ANXA11: variants seen among roughly 807,000 people sequenced by gnomAD.
ANXA11 encodes the protein annexin A11, also known as 56 kDa autoantigen.
A neutral mutation model predicts 64.7 loss-of-function variants in ANXA11; 57 were observed. That is an observed-to-expected ratio of 0.88 (90% CI 0.71 to 1.10). ANXA11 has a LOEUF of 1.10. ANXA11 is among the 50% of genes least tolerant of loss of function. The pLI is 0.00. For missense variants in ANXA11, 675 were observed against 670.7 expected, an observed-to-expected ratio of 1.01 and a Z score of -0.07; for synonymous variants, 260 against 265.2, an observed-to-expected ratio of 0.98 and a Z score of 0.19.
intron 2 of ANXA11, 61 bp from the exon 3 acceptor site, chr10:80,172,930 A>AC: frequency 6.6e-7 from 1 of 1,507,570 alleles, no homozygotes; most frequent in Non-Finnish European, 9.2e-7. Context: ...GGCCCGTGGG[A>AC]CCCAGCTTCT....
chr10:80,157,928 C>T, intron 14 of ANXA11, 39 bp downstream of exon 14: 1 of 1,609,324 alleles, frequency 6.2e-7, no homozygotes, highest in Non-Finnish European at 8.5e-7. Context: ...ACAGGCGAGG[C>T]TAAGGTTCCA....
At chr10:80,193,149 G>A (rs1342009863) in intron 1 of ANXA11, among the ~76,000 whole-genome samples, 1 of 152,192 alleles carries the variant, frequency 6.6e-6, no homozygotes, top group Non-Finnish European at 1.5e-5. Context: ...ATTGGGACAG[G>A]AAGGATTGTA....
chr10:80,171,016 A>AAAGCCTCGAGCCTC, intron 3 of ANXA11, 101 bp from the exon 4 acceptor site: 1 of 1,521,582 alleles, frequency 6.6e-7, no homozygotes, highest in Non-Finnish European at 8.8e-7. Flanking sequence ...GAGGCCCAGT[A>AAAGCCTCGAGCCTC]AAGCCTCGAG....
At chr10:80,175,546 A>G (rs1300346314) in intron 2 of ANXA11, among the ~76,000 whole-genome samples, 1 of 152,178 alleles carries the variant, frequency 6.6e-6, no homozygotes, top group Non-Finnish European at 1.5e-5. Flanking sequence ...TAGCCCCAAA[A>G]ACCAACGACA....
chr10:80,164,864 G>C (rs778501040), intron 8 of ANXA11, among the ~76,000 whole-genome samples: 13 of 152,220 alleles, frequency 8.5e-5, no homozygotes, highest in Non-Finnish European at 1.9e-4. Flanking sequence ...GGGCCTGTCA[G>C]GCAGGACGTG....
intron 3 of ANXA11, chr10:80,171,724 G>T: frequency 7.1e-6 from 7 of 985,498 alleles, no homozygotes; most frequent in Non-Finnish European, 8.4e-6. Flanking sequence ...CATCTCCAGG[G>T]CTCCAGACCC....
At chr10:80,156,922 G>A in intron 15 of ANXA11, 1 of 880,266 alleles carries the variant, frequency 1.1e-6, no homozygotes. Context: ...GGGAGGACGT[G>A]GTCCCCATGG....
intron 5 of ANXA11, among the ~76,000 whole-genome samples, chr10:80,168,259 G>GC (rs1845826567): frequency 6.8e-6 from 1 of 146,354 alleles, no homozygotes; most frequent in African/African-American, 2.5e-5. Context: ...TGCCGGGGGG[G>GC]GCGGGGGTGG....
At chr10:80,166,038 G>A (rs2784775) in intron 8 of ANXA11, 46 bp downstream of exon 8, 7,205 of 555,184 alleles carry the variant, frequency 0.013, 72 homozygotes, top group Non-Finnish European at 0.015. Flanking sequence ...GCGCACACAC[G>A]CGCGCACACA....
chr10:80,176,740 G>A (rs986199730), intron 1 of ANXA11, among the ~76,000 whole-genome samples: 2 of 147,602 alleles, frequency 1.4e-5, no homozygotes, highest in African/African-American at 2.7e-5. Context: ...CGCTCGTGGA[G>A]CTCATTCTTG....
chr10:80,175,918 G>A (rs1272107518), intron 2 of ANXA11, among the ~76,000 whole-genome samples, 189 bp downstream of exon 2: 1 of 152,188 alleles, frequency 6.6e-6, no homozygotes, highest in Admixed American at 6.5e-5. Context: ...GCCAGGCGTG[G>A]TGGTGGGTGC....
intron 1 of ANXA11, among the ~76,000 whole-genome samples, chr10:80,202,892 A>G (rs575043103): frequency 1.3e-4 from 20 of 152,054 alleles, no homozygotes; most frequent in African/African-American, 4.8e-4. Context: ...CTAAAAATAC[A>G]AAAATTAGCC....
intron 3 of ANXA11, chr10:80,171,850 TAGAG>T (rs966727069): frequency 2.9e-5 from 29 of 985,354 alleles, no homozygotes; most frequent in Admixed American, 6.1e-5. Context: ...ATTTCTACTA[TAGAG>T]AGAGAACCCA....
intron 1 of ANXA11, among the ~76,000 whole-genome samples, chr10:80,190,263 A>G (rs1846714308): frequency 6.6e-6 from 1 of 151,806 alleles, no homozygotes; most frequent in Admixed American, 6.6e-5. Flanking sequence ...AAAATGGTAA[A>G]TTTTACGTTG....
intron 13 of ANXA11, 106 bp downstream of exon 13, chr10:80,158,993 TG>T: frequency 1.2e-6 from 1 of 808,394 alleles, no homozygotes; most frequent in Non-Finnish European, 2.1e-6. Flanking sequence ...TTGGATCCTG[TG>T]GTCCCTTCAC....
rs749547248 is a variant in ANXA11, at chr10:80,171,091, C to T, written c.56-176G>A. 1.1e-5 allele frequency: 17 copies of T among 1,513,762 alleles called. 1 individual carries two copies. The South Asian group carries it at 2.1e-4, about 19-fold the overall frequency. The allele number at this position is 1,513,762 out of a possible 1,614,324, so 93.8% of individuals were successfully genotyped here. Reference sequence around the variant, plus strand: ...AGGAGGAAAGTCTCCCCCTATCCCACTGGCAGAGGAGGGGAAACCTTCCCC... The same window carrying T: ...AGGAGGAAAGTCTCCCCCTATCCCATTGGCAGAGGAGGGGAAACCTTCCCC... On this transcript the variant is annotated intron_variant, in intron 3 of 15. Transcript: ENST00000422982.
Position 80,172,818 on chromosome 10 carries a change from G to C in ANXA11, c.44C>G (p.Pro15Arg). Residue 15 changes from proline to arginine, a missense_variant, in exon 3 of 16, where the codon CCA becomes CGA. By Grantham distance (103) the Pro-to-Arg change is moderately radical. Coordinates refer to ENST00000422982, the MANE Select transcript of ANXA11 (RefSeq NM_145868.2). ...CCAGACCCTCTTACCTGGTGCAGCT[G>C]GTGGGTAGCCACCTGGGGGCGGGGG... ...GYPPPPGGYP[P>R]AAPGGGPWGG... is the part of the protein sequence containing the mutation. 1.9e-6 allele frequency: 3 copies of C among 1,614,022 alleles called. No homozygotes were observed. Among genetic ancestry groups the C allele is most frequent in the Non-Finnish European group, 2.5e-6 (3 of 1,179,934 alleles).
intron 1 of ANXA11, among the ~76,000 whole-genome samples, chr10:80,196,836 C>A (rs1840192793): frequency 6.6e-6 from 1 of 152,202 alleles, no homozygotes; most frequent in South Asian, 2.1e-4. Context: ...ATTAGCCAGG[C>A]TGCACCTCAG....
chr10:80,162,177 C>T (rs1009093059), intron 11 of ANXA11, 149 bp from the exon 12 acceptor site: 2 of 599,430 alleles, frequency 3.3e-6, no homozygotes, highest in Admixed American at 2.8e-5. Flanking sequence ...TCTAAAGTGC[C>T]TGCTAGGCCT....
Sources: allele counts gnomAD v4.1 joint callset (sites outside exome capture counted in the v4.1 genomes callset), GRCh38; gene constraint gnomAD v4.1.1; transcripts MANE v1.5; gene names NCBI Gene and HGNC (gene_info 2026-07-23, HGNC 2026-07-21).